COL4A6: variants seen among roughly 807,000 people sequenced by gnomAD.
The protein encoded by COL4A6 is collagen alpha-6(IV) chain.
Under a neutral mutation model 126.7 loss-of-function variants are expected in COL4A6, and 59 were observed. The ratio of observed to expected loss-of-function variants is 0.47; its 90% confidence interval spans 0.38 to 0.58. The LOEUF is 0.58. Ranked by LOEUF, COL4A6 falls within the 20% of genes least tolerant of loss-of-function variation. COL4A6 has a pLI of 0.00. For synonymous variants in COL4A6, 547 were observed against 496.6 expected, an observed-to-expected ratio of 1.10 and a Z score of -1.35; for missense variants, 1,285 against 1,337.3, an observed-to-expected ratio of 0.96 and a Z score of 0.61.
chrX:108,206,456 G>T, intron 9 of COL4A6, 62 bp downstream of exon 9: 1 of 1,088,010 alleles, frequency 9.2e-7, no homozygotes, highest in East Asian at 3.0e-5. Flanking sequence ...TGAATCCATA[G>T]TATGTAGGGA....
intron 2 of COL4A6, among the ~76,000 whole-genome samples, chrX:108,346,436 C>T (rs1422188069): frequency 9.0e-6 from 1 of 111,578 alleles, no homozygotes; most frequent in Non-Finnish European, 1.9e-5. Flanking sequence ...TCTTTTGTTA[C>T]ATTGTTTTCC....
chrX:108,298,247 G>T (rs1188184339), intron 3 of COL4A6, among the ~76,000 whole-genome samples: 1 of 112,255 alleles, frequency 8.9e-6, no homozygotes, highest in Non-Finnish European at 1.9e-5. Context: ...CTGGTGCAAA[G>T]TTCCCAGGCT....
intron 3 of COL4A6, among the ~76,000 whole-genome samples, chrX:108,283,957 G>A (rs1022957114): frequency 1.8e-5 from 2 of 111,512 alleles, no homozygotes; most frequent in African/African-American, 6.5e-5. Context: ...AACATCTGAA[G>A]AAGGGTCACA....
chrX:108,240,260 AC>A (rs1173295637), intron 3 of COL4A6, among the ~76,000 whole-genome samples: 1 of 110,897 alleles, frequency 9.0e-6, no homozygotes. Context: ...AAACAAAACA[AC>A]AACAACAACA....
chrX:108,168,228 G>T (rs1216960481), intron 37 of COL4A6, among the ~76,000 whole-genome samples: 2 of 111,807 alleles, frequency 1.8e-5, no homozygotes, highest in Non-Finnish European at 3.8e-5. Flanking sequence ...AAATGTCCCT[G>T]TGTTTTTATC....
chrX:108,195,006 C>T, intron 15 of COL4A6, 76 bp downstream of exon 15: 1 of 806,645 alleles, frequency 1.2e-6, no homozygotes, highest in Non-Finnish European at 1.8e-6. Flanking sequence ...CTCCCTTTGG[C>T]CATGTTAGGT....
intron 2 of COL4A6, among the ~76,000 whole-genome samples, chrX:108,378,837 C>G (rs746196407): frequency 5.3e-5 from 6 of 113,003 alleles, no homozygotes; most frequent in Non-Finnish European, 1.1e-4. Flanking sequence ...CACAGTTATA[C>G]CTGTTCCTTT....
At chrX:108,282,695 A>G (rs774677863) in intron 3 of COL4A6, among the ~76,000 whole-genome samples, 2 of 108,360 alleles carry the variant, frequency 1.8e-5, no homozygotes, top group African/African-American at 6.7e-5. Flanking sequence ...GACACATGCA[A>G]ACGTATGTTT....
chrX:108,349,092 C>T (rs1217993428), intron 2 of COL4A6, among the ~76,000 whole-genome samples: 1 of 111,859 alleles, frequency 8.9e-6, no homozygotes, highest in Non-Finnish European at 1.9e-5. Flanking sequence ...AGGGCTTTCC[C>T]TTCCTCCCAC....
intron 2 of COL4A6, among the ~76,000 whole-genome samples, chrX:108,398,196 C>A (rs2041006498): frequency 8.9e-6 from 1 of 112,253 alleles, no homozygotes; most frequent in African/African-American, 3.2e-5. Flanking sequence ...AAATCCTTGG[C>A]ACTGCCCATC....
In COL4A6 at chrX:108,277,294, C is replaced by T. The variant is rs186695658; in HGVS notation, c.144+33454G>A. Among the ~76,000 whole-genome samples the T allele has an allele frequency of 3.1e-4, 35 of 112,078 alleles. No individual in the cohort carries two copies. In the East Asian group the frequency reaches 4.8e-3, roughly 15 times the overall value. ...TCGGGTCACTCCCACCCCAATACTG[C>T]GCTTTTCCGGTGGGCTTAAAAAACG... On this transcript the variant is annotated intron_variant, in intron 3 of 44. Coordinates refer to ENST00000334504, the MANE Select transcript of COL4A6 (RefSeq NM_033641.4).
At chrX:108,338,626 A>T (rs1603116606) in intron 2 of COL4A6, among the ~76,000 whole-genome samples, 2 of 111,913 alleles carry the variant, frequency 1.8e-5, no homozygotes, top group South Asian at 7.5e-4. Context: ...AAGGTCAGGT[A>T]GAATGGTTTG....
intron 2 of COL4A6, among the ~76,000 whole-genome samples, chrX:108,373,632 A>T (rs1439806211): frequency 9.0e-6 from 1 of 110,907 alleles, no homozygotes; most frequent in East Asian, 2.8e-4. Flanking sequence ...TCCTTCCTTG[A>T]TTAAGCCTGT....
At chrX:108,158,057 C>T (rs1330302530) in intron 44 of COL4A6, among the ~76,000 whole-genome samples, 1 of 112,758 alleles carries the variant, frequency 8.9e-6, no homozygotes, top group African/African-American at 3.2e-5. Context: ...TGCATGGGAC[C>T]TTTCAGGTGA....
intron 2 of COL4A6, among the ~76,000 whole-genome samples, chrX:108,396,814 T>C (rs1190686639): frequency 9.0e-6 from 1 of 111,683 alleles, no homozygotes; most frequent in Non-Finnish European, 1.9e-5. Flanking sequence ...GCTCCCTTTC[T>C]CTGCCTGTTC....
intron 2 of COL4A6, 127 bp from the exon 3 acceptor site, chrX:108,310,955 C>T (rs2038746509): frequency 2.0e-6 from 1 of 508,743 alleles, no homozygotes; most frequent in Admixed American, 3.4e-5. Flanking sequence ...CTGATGTTGT[C>T]AGTAGTCAAA....
intron 15 of COL4A6, 105 bp downstream of exon 15, chrX:108,194,977 T>G (rs1190469694): frequency 1.4e-5 from 9 of 626,886 alleles, no homozygotes; most frequent in Admixed American, 3.0e-5. Context: ...AGATGAACAA[T>G]TTGCATTATA....
At chrX:108,334,816 A>T (rs2039391853) in intron 2 of COL4A6, among the ~76,000 whole-genome samples, 1 of 111,677 alleles carries the variant, frequency 9.0e-6, no homozygotes, top group Non-Finnish European at 1.9e-5. Flanking sequence ...GCAGTTCCAA[A>T]ATGGGAATAA....
intron 16 of COL4A6, among the ~76,000 whole-genome samples, chrX:108,194,322 G>C (rs995131987): frequency 8.9e-6 from 1 of 112,165 alleles, no homozygotes; most frequent in African/African-American, 3.2e-5. Flanking sequence ...GCTCCCACCA[G>C]CTCCTGCCCC....
Sources: gnomAD v4.1 joint callset for allele counts (sites outside exome capture counted in the v4.1 genomes callset) on GRCh38, gnomAD v4.1.1 for gene constraint, MANE v1.5 for transcripts, NCBI Gene and HGNC (gene_info 2026-07-23, HGNC 2026-07-21) for gene names.